Variants in VANGL1 observed in about 807,000 individuals in gnomAD.
VANGL1 encodes vang-like protein 1.
A neutral mutation model predicts 48.4 loss-of-function variants in VANGL1; 18 were observed. That is an observed-to-expected ratio of 0.37 (90% confidence interval 0.26 to 0.55). VANGL1 has a LOEUF of 0.55. Among genes scored for constraint, VANGL1 ranks in the 20% least tolerant of loss-of-function variants. VANGL1 has a pLI of 0.81. For synonymous variants in VANGL1, 257 were observed against 261.8 expected, an observed-to-expected ratio of 0.98 and a Z score of 0.18; for missense variants, 667 against 675.8, an observed-to-expected ratio of 0.99 and a Z score of 0.14.
At chr1:115,686,135 G>C (rs1405510491) in intron 7 of VANGL1, among the ~76,000 whole-genome samples, 1 of 151,994 alleles carries the variant, frequency 6.6e-6, no homozygotes, top group Non-Finnish European at 1.5e-5. Flanking sequence ...CAACAACCCT[G>C]TCAGAGAGAT....
At chr1:115,656,089 A>G (rs1570742615) in intron 2 of VANGL1, among the ~76,000 whole-genome samples, 2 of 152,202 alleles carry the variant, frequency 1.3e-5, no homozygotes, top group East Asian at 3.9e-4. Flanking sequence ...GCGCAGTGCT[A>G]GTGCTGAGCT....
In VANGL1 at chr1:115,695,720, G is replaced by A. The variant is rs1654007814; in HGVS notation, c.*4341G>A. ...TTCTTTCAAGATAGGAGTCATCTTG[G>A]TTTTTCGGGTGAAAAACGGAAGGTC... On this transcript the variant is annotated 3_prime_UTR_variant, in exon 8 of 8. Transcript: ENST00000355485. 1 of 152,118 alleles carries A rather than the reference G, an allele frequency of 6.6e-6. No individual in the cohort carries two copies. The highest frequency in any genetic ancestry group is 1.5e-5 in the Non-Finnish European group (1 of 68,028). 9.4% of individuals were successfully genotyped at this position (152,118 alleles called of 1,614,324 possible).
rs961852918 is a variant in VANGL1, at chr1:115,695,166, G to A, written c.*3787G>A. 1 of 152,386 alleles carries A rather than the reference G, an allele frequency of 6.6e-6. No individual in the cohort carries two copies. The highest frequency in any genetic ancestry group is 2.4e-5 in the African/African-American group (1 of 41,442). The allele number at this position is 152,386 out of a possible 1,614,324, so 9.4% of individuals were successfully genotyped here. ...CAAACAAACAAAGGTCAAGCTCTAA[G>A]AAAATTACTGCTCAAACTTCACTAC... On this transcript the variant is annotated 3_prime_UTR_variant, in exon 8 of 8. Transcript: ENST00000355485.
At chr1:115,657,938 A>G (rs1652408948) in intron 2 of VANGL1, among the ~76,000 whole-genome samples, 1 of 152,148 alleles carries the variant, frequency 6.6e-6, no homozygotes, top group South Asian at 2.1e-4. Flanking sequence ...CACACTTTTA[A>G]ACAACCAGAT....
chr1:115,644,141 A>G (rs1425112267), intron 1 of VANGL1, among the ~76,000 whole-genome samples: 2 of 152,202 alleles, frequency 1.3e-5, no homozygotes, highest in African/African-American at 4.8e-5. Context: ...AATTCTAGTA[A>G]TTGCTACAGT....
At position 115,663,685 on chromosome 1, in the gene VANGL1, A is replaced by G; in HGVS notation, c.229A>G (p.Thr77Ala). 2 of 1,614,118 alleles carry G rather than the reference A, an allele frequency of 1.2e-6. No homozygotes were observed. The highest frequency in any genetic ancestry group is 1.7e-6 in the Non-Finnish European group (2 of 1,180,016). The change falls in exon 4 of 8, where the codon ACG (threonine) becomes GCG (alanine). Residue 77 changes from threonine to alanine, a missense_variant. Physicochemically the swap from Thr to Ala is moderately conservative, Grantham distance 58. Coordinates refer to ENST00000355485, the MANE Select transcript of VANGL1 (RefSeq NM_138959.3). ...VQDDNWGETT[T>A]AITGTSEHSI... The stretch of plus-strand genomic sequence containing the variant: ...GGATGACAACTGGGGAGAGACCACC[A>G]CGGCCATCACAGGCACCTCGGAGCA...
intron 4 of VANGL1, among the ~76,000 whole-genome samples, chr1:115,665,067 C>T (rs764191754): frequency 3.3e-5 from 5 of 152,202 alleles, no homozygotes; most frequent in Non-Finnish European, 5.9e-5. Context: ...TGGCTAGCCT[C>T]ATTTAGGATT....
At chr1:115,663,543 T>C (rs1652647652) in intron 3 of VANGL1, 118 bp from the exon 4 acceptor site, 8 of 1,389,298 alleles carry the variant, frequency 5.8e-6, no homozygotes, top group East Asian at 2.4e-5. Flanking sequence ...GCTTTCATTT[T>C]CTGGAAGCCT....
At chr1:115,659,222 A>T (rs1652456515) in intron 2 of VANGL1, among the ~76,000 whole-genome samples, 1 of 152,134 alleles carries the variant, frequency 6.6e-6, no homozygotes, top group Admixed American at 6.6e-5. Flanking sequence ...ATTTTTTTGT[A>T]GAAAAAAGCT....
chr1:115,679,316 A>C (rs1653284569), intron 4 of VANGL1, among the ~76,000 whole-genome samples: 1 of 151,926 alleles, frequency 6.6e-6, no homozygotes, highest in African/African-American at 2.4e-5. Flanking sequence ...TTGAGCAAAG[A>C]CTCTCACTCT....
intron 4 of VANGL1, among the ~76,000 whole-genome samples, chr1:115,665,623 A>C (rs1652750557): frequency 6.6e-6 from 1 of 152,194 alleles, no homozygotes; most frequent in South Asian, 2.1e-4. Context: ...GGGATGATCT[A>C]GCGTTCAAGG....
chr1:115,661,419 T>C lies in VANGL1; in HGVS notation c.204+1646T>C, dbSNP rs542876969. 6.9e-4 allele frequency among the ~76,000 whole-genome samples: 105 copies of C among 152,256 alleles called. 1 individual carries two copies. The South Asian group carries it at 0.014, about 20-fold the overall frequency. On this transcript the variant is annotated intron_variant, in intron 3 of 7. Coordinates refer to ENST00000355485, the MANE Select transcript of VANGL1 (RefSeq NM_138959.3). ...CAATTTTGCCTGTTTTTGAATTTAG[T>C]ATAATTAGAATCATATGGTCCATCT...
intron 4 of VANGL1, among the ~76,000 whole-genome samples, chr1:115,672,505 A>G (rs1192066244): frequency 6.6e-6 from 1 of 152,118 alleles, no homozygotes; most frequent in Non-Finnish European, 1.5e-5. Context: ...CCTTTGCGGG[A>G]TGGTCAGTCT....
rs1315320043 is a variant in VANGL1 at position 115,691,470 on chromosome 1, C to A, written c.*91C>A. 1 of 1,381,962 alleles carries A rather than the reference C, an allele frequency of 7.2e-7. No homozygotes were observed. The highest frequency in any genetic ancestry group is 9.7e-7 in the Non-Finnish European group (1 of 1,030,166). 85.6% of individuals were successfully genotyped at this position (1,381,962 alleles called of 1,614,324 possible). ...CAGAGGGGTGTCTTTTTTAAAAATT[C>A]TTCTTCATTGCTGACTGAAACTGGC... On this transcript the variant is annotated 3_prime_UTR_variant, in exon 8 of 8. Coordinates refer to ENST00000355485, the MANE Select transcript of VANGL1 (RefSeq NM_138959.3).
At chr1:115,650,905 A>T (rs902133888) in intron 1 of VANGL1, among the ~76,000 whole-genome samples, 2 of 150,128 alleles carry the variant, frequency 1.3e-5, no homozygotes, top group Non-Finnish European at 3.0e-5. Context: ...TTCGCTGGGT[A>T]TTGTTTTTTT....
intron 1 of VANGL1, among the ~76,000 whole-genome samples, chr1:115,645,763 C>T (rs1427244150): frequency 6.6e-6 from 1 of 152,162 alleles, no homozygotes; most frequent in African/African-American, 2.4e-5. Context: ...CTGCAGAATT[C>T]TATGTAAAAA....
In VANGL1 at chr1:115,691,589, C is replaced by T; in HGVS notation, c.*210C>T. 1.8e-6 allele frequency: 1 copy of T among 562,444 alleles called. No individual in the cohort carries two copies. The highest frequency in any genetic ancestry group is 3.2e-5 in the East Asian group (1 of 31,338). The allele number at this position is 562,444 out of a possible 1,614,324, so 34.8% of individuals were successfully genotyped here. ...AAAAAGAGTGACTGATGACATCTGACTTTTGTCGATGGGACTTCTCAAGAA... is the reference window on the plus strand; with the variant it reads ...AAAAAGAGTGACTGATGACATCTGATTTTTGTCGATGGGACTTCTCAAGAA... On this transcript the variant is annotated 3_prime_UTR_variant, in exon 8 of 8. Coordinates refer to ENST00000355485, the MANE Select transcript of VANGL1 (RefSeq NM_138959.3).
At chr1:115,657,224 G>A (rs1326422257) in intron 2 of VANGL1, among the ~76,000 whole-genome samples, 2 of 152,190 alleles carry the variant, frequency 1.3e-5, no homozygotes, top group African/African-American at 4.8e-5. Context: ...CCTAGCAATA[G>A]CTTCAAGGCA....
Position 115,694,308 on chromosome 1 carries a change from G to A in VANGL1, c.*2929G>A, listed in dbSNP as rs932769546. 6.6e-6 allele frequency: 1 copy of A among 152,136 alleles called. No individual in the cohort carries two copies. The highest frequency in any genetic ancestry group is 2.4e-5 in the African/African-American group (1 of 41,426). The allele number at this position is 152,136 out of a possible 1,614,324, so 9.4% of individuals were successfully genotyped here. A position where few individuals can be genotyped will look rare whatever the true frequency, so the allele number is the denominator to read the frequency against. ...CCTCCCTTCCCCCGCCTCTGTTCTT[G>A]CCTTTTGACATCTACATGGAAGACA... is the stretch of plus-strand genomic sequence containing the variant. On this transcript the variant is annotated 3_prime_UTR_variant, in exon 8 of 8. Coordinates refer to ENST00000355485, the MANE Select transcript of VANGL1 (RefSeq NM_138959.3).
Sources: allele counts gnomAD v4.1 joint callset (sites outside exome capture counted in the v4.1 genomes callset), GRCh38; gene constraint gnomAD v4.1.1; transcripts MANE v1.5; gene names NCBI Gene and HGNC (gene_info 2026-07-23, HGNC 2026-07-21).